ANKRD33B: variants seen among roughly 807,000 people sequenced by gnomAD.
The protein encoded by ANKRD33B is ankyrin repeat domain 33B.
ANKRD33B carries 6 observed loss-of-function variants against 21.5 expected under a neutral mutation model. The observed-to-expected ratio is 0.28, with a 90% CI of 0.15 to 0.55. ANKRD33B has a LOEUF of 0.55. Among genes scored for constraint, ANKRD33B ranks in the 20% least tolerant of loss-of-function variants. The pLI is 0.94. For synonymous variants in ANKRD33B, 347 were observed against 342.4 expected (o/e 1.01, Z -0.15); for missense variants, 698 against 747.2 (o/e 0.93, Z 0.77).
At chr5:10,622,973 C>A (rs1415468531) in intron 2 of ANKRD33B, among the ~76,000 whole-genome samples, 1 of 152,092 alleles carries the variant, frequency 6.6e-6, no homozygotes, top group Admixed American at 6.5e-5. Context: ...GCTCAGTGCC[C>A]AGCAGCCTGG....
chr5:10,640,610 C>T (rs1011719078), intron 3 of ANKRD33B, among the ~76,000 whole-genome samples: 19 of 152,222 alleles, frequency 1.2e-4, no homozygotes, highest in African/African-American at 4.3e-4. Context: ...AGTGAATGTG[C>T]GATGCTGCTT....
At chr5:10,572,334 G>C (rs1285676598) in intron 1 of ANKRD33B, among the ~76,000 whole-genome samples, 1 of 152,128 alleles carries the variant, frequency 6.6e-6, no homozygotes, top group East Asian at 1.9e-4. Context: ...TAGGAGTGCA[G>C]AATCCCAGCC....
rs1736606265 is a variant in ANKRD33B at position 10,627,572 on chromosome 5, G to A, written c.496+9110G>A. 2 of 152,250 alleles carry A rather than the reference G, an allele frequency of 1.3e-5. 1 individual carries two copies. The highest frequency in any genetic ancestry group is 4.1e-4 in the South Asian group (2 of 4,836). The allele number at this position is 152,250 out of a possible 1,614,324, so 9.4% of individuals were successfully genotyped here. ...GCGGGGGAGCCCTGGTTCCTGAGCTGAATCGGGGAGAGTCCCAGTTCAGAG... is the reference window on the plus strand; with the variant it reads ...GCGGGGGAGCCCTGGTTCCTGAGCTAAATCGGGGAGAGTCCCAGTTCAGAG... On this transcript the variant is annotated intron_variant, in intron 2 of 3. Transcript: ENST00000296657.
intron 1 of ANKRD33B, among the ~76,000 whole-genome samples, chr5:10,604,272 A>G (rs1304716063): frequency 1.4e-5 from 2 of 143,736 alleles, no homozygotes; most frequent in Admixed American, 7.0e-5. Flanking sequence ...GCTCACTGCA[A>G]CCTCCGCTTC....
chr5:10,604,913 T>C lies in ANKRD33B; in HGVS notation c.367-13420T>C, dbSNP rs867106607. 9.2e-5 allele frequency among the ~76,000 whole-genome samples: 14 copies of C among 152,356 alleles called. No individual in the cohort carries two copies. The Middle Eastern group carries it at 0.01, about 111-fold the overall frequency. On this transcript the variant is annotated intron_variant, in intron 1 of 3. Transcript: ENST00000296657. ...GCTTTAAATAATAATTATCATTTAT[T>C]TTCTCTCACAGTGTCTATGGCTCGG... is the stretch of plus-strand genomic sequence containing the variant.
intron 2 of ANKRD33B, among the ~76,000 whole-genome samples, chr5:10,618,712 A>G (rs1415107263): frequency 6.6e-6 from 1 of 152,206 alleles, no homozygotes; most frequent in African/African-American, 2.4e-5. Flanking sequence ...TGTACCAGAA[A>G]GCCACCCTTG....
At position 10,655,245 on chromosome 5, in the gene ANKRD33B, C is replaced by G. The variant is rs569975655; in HGVS notation, c.*5132C>G. 1.3e-5 allele frequency: 2 copies of G among 152,426 alleles called. No homozygotes were observed. The highest frequency in any genetic ancestry group is 1.3e-4 in the Admixed American group (2 of 15,306). The allele number at this position is 152,426 out of a possible 1,614,324, so 9.4% of individuals were successfully genotyped here. A position where few individuals can be genotyped will look rare whatever the true frequency, so the allele number is the denominator to read the frequency against. On this transcript the variant is annotated 3_prime_UTR_variant, in exon 4 of 4. Transcript: ENST00000296657. ...GAGGCTGTTGTGAGTGAAACAGAAG[C>G]CCCTGGCATAGGGCCAGACCCTAGG...
At chr5:10,636,826 G>T (rs6869033) in intron 2 of ANKRD33B, among the ~76,000 whole-genome samples, 4 of 152,004 alleles carry the variant, frequency 2.6e-5, no homozygotes, top group Non-Finnish European at 4.4e-5. Context: ...AAGGAGTGAA[G>T]TCTGAGCTTC....
chr5:10,650,900 A>G lies in ANKRD33B; in HGVS notation c.*787A>G, dbSNP rs1396306321. 2.0e-5 allele frequency: 3 copies of G among 152,408 alleles called. No individual in the cohort carries two copies. Among genetic ancestry groups the G allele is most frequent in the Non-Finnish European group, 4.4e-5 (3 of 68,048 alleles). The allele number at this position is 152,408 out of a possible 1,614,324, so 9.4% of individuals were successfully genotyped here. ...AAGCAAGGGGTTTTAGGTAAACTGGATACGAAATCTTTAACATTAAAAATA... is the reference window on the plus strand; with the variant it reads ...AAGCAAGGGGTTTTAGGTAAACTGGGTACGAAATCTTTAACATTAAAAATA... On this transcript the variant is annotated 3_prime_UTR_variant, in exon 4 of 4. Transcript: ENST00000296657.
At chr5:10,587,155 C>G (rs1220624791) in intron 1 of ANKRD33B, among the ~76,000 whole-genome samples, 1 of 152,160 alleles carries the variant, frequency 6.6e-6, no homozygotes, top group Non-Finnish European at 1.5e-5. Context: ...GCTGGGATTA[C>G]AGACGCCCGC....
Position 10,649,167 on chromosome 5 carries a change from G to C in ANKRD33B, c.638-99G>C, listed in dbSNP as rs929413930. 2.2e-5 allele frequency: 32 copies of C among 1,436,564 alleles called. No individual in the cohort carries two copies. In the Admixed American group the frequency reaches 2.3e-4, roughly 11 times the overall value. The allele number at this position is 1,436,564 out of a possible 1,614,324, so 89.0% of individuals were successfully genotyped here. The stretch of plus-strand genomic sequence containing the variant: ...TGTTAGGAGGCTTGGGGCCAGGGGT[G>C]GGGGGTGGGGGCAGTTTTGCCTTTG... On this transcript the variant is annotated intron_variant, in intron 3 of 3. Transcript: ENST00000296657.
chr5:10,600,645 G>A (rs988751450), intron 1 of ANKRD33B, among the ~76,000 whole-genome samples: 6 of 152,160 alleles, frequency 3.9e-5, no homozygotes, highest in East Asian at 1.9e-4. Flanking sequence ...ATCTTCATGT[G>A]GATATAGACT....
chr5:10,628,488 G>A (rs887269251), intron 2 of ANKRD33B, among the ~76,000 whole-genome samples: 3 of 151,668 alleles, frequency 2.0e-5, no homozygotes, highest in Non-Finnish European at 4.4e-5. Context: ...GGCCAGCCCA[G>A]CTAATTTTTA....
At chr5:10,628,897 A>G (rs554876589) in intron 2 of ANKRD33B, among the ~76,000 whole-genome samples, 1 of 152,244 alleles carries the variant, frequency 6.6e-6, no homozygotes, top group East Asian at 1.9e-4. Flanking sequence ...TCACCAAGTA[A>G]AAAGAGGAGG....
chr5:10,649,193 C>G, intron 3 of ANKRD33B, 73 bp from the exon 4 acceptor site: 1 of 1,459,674 alleles, frequency 6.9e-7, no homozygotes, highest in Non-Finnish European at 9.0e-7. Context: ...TTTGCCTTTG[C>G]CCCAGGCTCT....
chr5:10,579,249 AT>A (rs1735387996), intron 1 of ANKRD33B, among the ~76,000 whole-genome samples: 1 of 151,382 alleles, frequency 6.6e-6, no homozygotes, highest in Non-Finnish European at 1.5e-5. Flanking sequence ...AAATACTTAA[AT>A]ACTCATATCA....
chr5:10,584,193 A>G (rs1735505237), intron 1 of ANKRD33B, among the ~76,000 whole-genome samples: 1 of 152,184 alleles, frequency 6.6e-6, no homozygotes. Flanking sequence ...TTTCAAAGTG[A>G]TTTTTATGAA....
At chr5:10,569,231 T>C (rs1735122576) in intron 1 of ANKRD33B, among the ~76,000 whole-genome samples, 2 of 152,162 alleles carry the variant, frequency 1.3e-5, no homozygotes, top group Non-Finnish European at 2.9e-5. Context: ...TTAGTTACCA[T>C]AGAAAGTGAA....
chr5:10,640,691 T>C (rs1186429008), intron 3 of ANKRD33B, among the ~76,000 whole-genome samples: 1 of 152,254 alleles, frequency 6.6e-6, no homozygotes, highest in Non-Finnish European at 1.5e-5. Context: ...CAGCCAGTCC[T>C]GCTTGGCGCT....
Sources: gnomAD v4.1 joint callset for allele counts (sites outside exome capture counted in the v4.1 genomes callset) on GRCh38, gnomAD v4.1.1 for gene constraint, MANE v1.5 for transcripts, NCBI Gene and HGNC (gene_info 2026-07-23, HGNC 2026-07-21) for gene names.